The following DSCAM variants were observed in gnomAD, a reference collection of about 807,000 sequenced individuals.
DSCAM encodes the protein cell adhesion molecule DSCAM.
Under a neutral mutation model 217.7 loss-of-function variants are expected in DSCAM, and 47 were observed. The observed-to-expected ratio is 0.22, with a 90% CI of 0.17 to 0.28. The LOEUF (loss-of-function observed/expected upper bound fraction) is 0.28, where lower values mean the gene tolerates loss of function less well. Ranked by LOEUF, DSCAM falls within the 10% of genes least tolerant of loss-of-function variation. The pLI is 1.00. For missense variants in DSCAM, 2,080 were observed against 2,618.3 expected (o/e 0.79, Z 4.49); for synonymous variants, 1,056 against 1,015.3 (o/e 1.04, Z -0.76).
At chr21:40,081,337 C>A (rs1229915238) in intron 24 of DSCAM, among the ~76,000 whole-genome samples, 1 of 151,902 alleles carries the variant, frequency 6.6e-6, no homozygotes, top group African/African-American at 2.4e-5. Flanking sequence ...TTTTTCCCTG[C>A]ACACTACAGT....
intron 20 of DSCAM, among the ~76,000 whole-genome samples, chr21:40,114,168 C>T (rs895447995): frequency 6.1e-5 from 9 of 147,484 alleles, no homozygotes; most frequent in African/African-American, 2.2e-4. Flanking sequence ...AACTATACTA[C>T]AAGGCTACAG....
In DSCAM at chr21:40,089,470, C is replaced by T. The variant is rs183742648; in HGVS notation, c.3851-2183G>A. 7.9e-5 allele frequency among the ~76,000 whole-genome samples: 12 copies of T among 152,318 alleles called. No individual in the cohort carries two copies. The East Asian group carries it at 1.7e-3, about 22-fold the overall frequency. ...CATGGGGCCAGGCTCTCTGTGCCTTCGTGTCCTGGACCCCTTCCTAGGAGG... is the reference window on the plus strand; with the variant it reads ...CATGGGGCCAGGCTCTCTGTGCCTTTGTGTCCTGGACCCCTTCCTAGGAGG... On this transcript the variant is annotated intron_variant, in intron 21 of 32. Coordinates refer to ENST00000400454, the MANE Select transcript of DSCAM (RefSeq NM_001389.5).
intron 20 of DSCAM, among the ~76,000 whole-genome samples, chr21:40,113,647 G>A (rs1181538532): frequency 6.6e-6 from 1 of 152,152 alleles, no homozygotes; most frequent in East Asian, 1.9e-4. Context: ...TGACATGATT[G>A]TATATCTAGA....
At chr21:40,549,507 A>C (rs2076612780) in intron 3 of DSCAM, among the ~76,000 whole-genome samples, 1 of 152,194 alleles carries the variant, frequency 6.6e-6, no homozygotes, top group African/African-American at 2.4e-5. Flanking sequence ...CAGCATCCAT[A>C]TGACCAAACG....
intron 1 of DSCAM, among the ~76,000 whole-genome samples, chr21:40,783,219 C>G (rs1346870979): frequency 6.6e-6 from 1 of 152,332 alleles, no homozygotes; most frequent in East Asian, 1.9e-4. Flanking sequence ...ACAGTTCTCA[C>G]TCCAGGAAGG....
chr21:40,375,115 C>A (rs1442527377), intron 3 of DSCAM, among the ~76,000 whole-genome samples: 1 of 152,172 alleles, frequency 6.6e-6, no homozygotes, highest in Non-Finnish European at 1.5e-5. Context: ...TTAATCATTT[C>A]TTGTCCATCA....
At chr21:40,626,280 A>T (rs2089599452) in intron 3 of DSCAM, among the ~76,000 whole-genome samples, 1 of 152,072 alleles carries the variant, frequency 6.6e-6, no homozygotes, top group Non-Finnish European at 1.5e-5. Flanking sequence ...TACTCCTGCT[A>T]TCTGAAAATG....
intron 11 of DSCAM, among the ~76,000 whole-genome samples, chr21:40,194,420 T>A (rs781764188): frequency 3.3e-5 from 5 of 152,100 alleles, no homozygotes; most frequent in Non-Finnish European, 7.3e-5. Context: ...CAGCAGCCCT[T>A]TTTGCGAGGA....
chr21:40,132,651 G>C (rs988728492), intron 19 of DSCAM, among the ~76,000 whole-genome samples: 4 of 152,236 alleles, frequency 2.6e-5, no homozygotes, highest in African/African-American at 9.6e-5. Context: ...CCAGGTGAGA[G>C]TGGATGCCTG....
At chr21:40,242,306 C>T (rs1317082775) in intron 11 of DSCAM, among the ~76,000 whole-genome samples, 1 of 152,210 alleles carries the variant, frequency 6.6e-6, no homozygotes, top group Non-Finnish European at 1.5e-5. Context: ...CATGTTTCCG[C>T]TCATCTACCT....
intron 3 of DSCAM, among the ~76,000 whole-genome samples, chr21:40,448,689 T>C (rs1463438890): frequency 6.6e-6 from 1 of 152,222 alleles, no homozygotes; most frequent in African/African-American, 2.4e-5. Context: ...CTCTGATTTC[T>C]CTGGAGTACT....
rs753250633 is a variant in DSCAM, at chr21:40,183,427, G to A, written c.2779+3704C>T. Among the ~76,000 whole-genome samples the A allele has an allele frequency of 8.6e-4, 131 of 152,296 alleles. 2 individuals carry two copies. The highest frequency in any genetic ancestry group is 6.2e-4 in the Non-Finnish European group (42 of 68,026). On this transcript the variant is annotated intron_variant, in intron 14 of 32. Transcript: ENST00000400454. ...GGACAGCTTCACTGTGCCTGTGCCCGCTCAGATGACGCCTCTGGTGCTGCC... is the reference window on the plus strand; with the variant it reads ...GGACAGCTTCACTGTGCCTGTGCCCACTCAGATGACGCCTCTGGTGCTGCC...
chr21:40,410,576 T>C (rs1308887356), intron 3 of DSCAM, among the ~76,000 whole-genome samples: 1 of 146,228 alleles, frequency 6.8e-6, no homozygotes, highest in Admixed American at 6.8e-5. Context: ...AACACCGAGA[T>C]GCATCATTAT....
chr21:40,112,329 C>T (rs1011258311), intron 20 of DSCAM, among the ~76,000 whole-genome samples: 3 of 151,388 alleles, frequency 2.0e-5, no homozygotes. Context: ...GGGTACATAA[C>T]GAAATGAAGG....
At chr21:40,370,248 T>C (rs1270356858) in intron 3 of DSCAM, among the ~76,000 whole-genome samples, 1 of 149,802 alleles carries the variant, frequency 6.7e-6, no homozygotes, top group African/African-American at 2.5e-5. Context: ...TTTCTGGTCT[T>C]TTACTTTAAA....
At chr21:40,392,803 T>C (rs1182841294) in intron 3 of DSCAM, among the ~76,000 whole-genome samples, 1 of 152,100 alleles carries the variant, frequency 6.6e-6, no homozygotes, top group Non-Finnish European at 1.5e-5. Context: ...TCAGAAGCAA[T>C]GTCCACAACT....
chr21:40,381,409 G>C (rs953492960), intron 3 of DSCAM, among the ~76,000 whole-genome samples: 9 of 152,330 alleles, frequency 5.9e-5, no homozygotes, highest in African/African-American at 2.2e-4. Context: ...TCTGCATTTT[G>C]GGGCTGGAAG....
intron 3 of DSCAM, among the ~76,000 whole-genome samples, chr21:40,627,880 T>C (rs1983729760): frequency 6.6e-6 from 1 of 152,206 alleles, no homozygotes; most frequent in Non-Finnish European, 1.5e-5. Flanking sequence ...AACTACTCTT[T>C]CCCATTCTTG....
intron 3 of DSCAM, chr21:40,615,502 G>A (rs2089381405): frequency 6.6e-6 from 1 of 151,492 alleles, no homozygotes. Context: ...CAAAAAACGT[G>A]GTGGGTAAGA....
Sources: gnomAD v4.1 joint callset for allele counts (sites outside exome capture counted in the v4.1 genomes callset) on GRCh38, gnomAD v4.1.1 for gene constraint, MANE v1.5 for transcripts, NCBI Gene and HGNC (gene_info 2026-07-23, HGNC 2026-07-21) for gene names.